The following KCNH7 variants were observed in gnomAD, a reference collection of about 807,000 sequenced individuals.
KCNH7 encodes the protein voltage-gated inwardly rectifying potassium channel KCNH7.
KCNH7 carries 49 observed loss-of-function variants against 120.8 expected under a neutral mutation model. That is an observed-to-expected ratio of 0.41 (90% CI 0.32 to 0.51). The LOEUF is 0.51. Ranked by LOEUF, KCNH7 falls within the 20% of genes least tolerant of loss-of-function variation. The probability of loss-of-function intolerance (pLI) is 0.38; values close to 1 mark genes in which losing one functional copy is unlikely to be tolerated. For missense variants in KCNH7, 1,097 were observed against 1,446.6 expected (o/e 0.76, Z 3.92); for synonymous variants, 547 against 516.1 (o/e 1.06, Z -0.81).
In KCNH7 at chr2:162,572,032, C is replaced by T. The variant is rs1693497756; in HGVS notation, c.308-34952G>A. On this transcript the variant is annotated intron_variant, in intron 2 of 15. Coordinates refer to ENST00000332142, the MANE Select transcript of KCNH7 (RefSeq NM_033272.4). ...CACCAAAAGCAATGGCAACAAAAGA[C>T]AAAATTGACAAATGGGATCTAATTA... 2.0e-5 allele frequency among the ~76,000 whole-genome samples: 3 copies of T among 151,622 alleles called. No individual in the cohort carries two copies. In the South Asian group the frequency reaches 6.2e-4, roughly 32 times the overall value.
intron 13 of KCNH7, among the ~76,000 whole-genome samples, chr2:162,381,624 T>A (rs961952359): frequency 6.6e-5 from 10 of 152,074 alleles, no homozygotes; most frequent in Admixed American, 4.6e-4. Flanking sequence ...GGATCAGAGT[T>A]CCTTCTTCTG....
intron 6 of KCNH7, among the ~76,000 whole-genome samples, chr2:162,493,456 C>A (rs1690393899): frequency 6.6e-6 from 1 of 152,146 alleles, no homozygotes; most frequent in Non-Finnish European, 1.5e-5. Flanking sequence ...CAAATGTCTT[C>A]AAAATGTAAA....
At chr2:162,792,715 T>C (rs1683996367) in intron 2 of KCNH7, among the ~76,000 whole-genome samples, 1 of 151,190 alleles carries the variant, frequency 6.6e-6, no homozygotes, top group African/African-American at 2.4e-5. Flanking sequence ...CTTATTTTTT[T>C]TTTTTTCAAA....
At chr2:162,556,024 C>T (rs372581677) in intron 2 of KCNH7, among the ~76,000 whole-genome samples, 1 of 151,912 alleles carries the variant, frequency 6.6e-6, no homozygotes, top group East Asian at 1.9e-4. Context: ...AAACTAATGA[C>T]ACATATTTCT....
chr2:162,477,562 G>A (rs1438279250), intron 6 of KCNH7, among the ~76,000 whole-genome samples: 1 of 152,152 alleles, frequency 6.6e-6, no homozygotes, highest in Non-Finnish European at 1.5e-5. Context: ...AAAAAAAGCA[G>A]GTTGTCATTT....
At chr2:162,403,798 T>A (rs929203672) in intron 9 of KCNH7, among the ~76,000 whole-genome samples, 2 of 151,988 alleles carry the variant, frequency 1.3e-5, no homozygotes, top group Non-Finnish European at 1.5e-5. Context: ...ATTAGTTCTA[T>A]AGTTTTAATG....
intron 2 of KCNH7, among the ~76,000 whole-genome samples, chr2:162,783,415 A>G (rs939713033): frequency 1.3e-5 from 2 of 152,214 alleles, no homozygotes; most frequent in African/African-American, 4.8e-5. Flanking sequence ...AAATATTGGC[A>G]AGCCTGGAAA....
intron 2 of KCNH7, among the ~76,000 whole-genome samples, chr2:162,701,134 AT>A (rs1188686634): frequency 1.3e-5 from 2 of 152,164 alleles, no homozygotes; most frequent in Admixed American, 6.6e-5. Context: ...GTCAAATATA[AT>A]GATTCCAAAG....
intron 2 of KCNH7, among the ~76,000 whole-genome samples, chr2:162,631,994 A>G (rs928351682): frequency 6.6e-6 from 1 of 152,064 alleles, no homozygotes; most frequent in Admixed American, 6.6e-5. Context: ...GGAAAAAACT[A>G]CTAGAGAACA....
At chr2:162,604,238 G>GA (rs1378160956) in intron 2 of KCNH7, among the ~76,000 whole-genome samples, 1 of 152,008 alleles carries the variant, frequency 6.6e-6, no homozygotes, top group African/African-American at 2.4e-5. Flanking sequence ...CTTTGGTGAT[G>GA]AAAAAGAAGG....
At chr2:162,526,820 G>A (rs1691722477) in intron 3 of KCNH7, among the ~76,000 whole-genome samples, 1 of 151,982 alleles carries the variant, frequency 6.6e-6, no homozygotes, top group South Asian at 2.1e-4. Flanking sequence ...AAGATGATGG[G>A]ATTAAGAGAT....
intron 2 of KCNH7, among the ~76,000 whole-genome samples, chr2:162,543,628 A>G (rs1054218019): frequency 5.1e-4 from 78 of 152,222 alleles, no homozygotes; most frequent in African/African-American, 1.8e-3. Context: ...TGAGTAGTAA[A>G]TTTCTTGGAT....
intron 2 of KCNH7, among the ~76,000 whole-genome samples, chr2:162,575,234 G>GT (rs908459941): frequency 6.6e-6 from 1 of 152,028 alleles, no homozygotes; most frequent in Non-Finnish European, 1.5e-5. Context: ...TCTGCTGCTA[G>GT]TTTGACCCTG....
intron 2 of KCNH7, chr2:162,784,472 C>T (rs529407224): frequency 7.2e-5 from 11 of 152,150 alleles, no homozygotes; most frequent in African/African-American, 2.4e-4. Flanking sequence ...TTATTTAATC[C>T]TTACCAGAGA....
chr2:162,496,118 CT>C (rs1168191834), intron 6 of KCNH7, among the ~76,000 whole-genome samples: 8 of 152,096 alleles, frequency 5.3e-5, no homozygotes, highest in African/African-American at 1.9e-4. Context: ...TTAAACAGAC[CT>C]CAGGAGGAGC....
At chr2:162,808,723 C>A (rs1372808733) in intron 2 of KCNH7, among the ~76,000 whole-genome samples, 1 of 151,274 alleles carries the variant, frequency 6.6e-6, no homozygotes, top group South Asian at 2.1e-4. Flanking sequence ...CCTGTGTGTG[C>A]ATATATATAT....
intron 2 of KCNH7, among the ~76,000 whole-genome samples, chr2:162,591,490 A>G (rs990095645): frequency 2.6e-5 from 4 of 152,090 alleles, no homozygotes; most frequent in African/African-American, 9.7e-5. Flanking sequence ...TGTGGAGGAC[A>G]CAAACACACA....
intron 2 of KCNH7, among the ~76,000 whole-genome samples, chr2:162,675,893 T>C (rs1324085725): frequency 1.3e-5 from 2 of 151,446 alleles, no homozygotes; most frequent in Non-Finnish European, 3.0e-5. Context: ...GAAGGTGGCA[T>C]GCAAAATATT....
chr2:162,518,092 T>G lies in KCNH7; in HGVS notation c.530A>C (p.Gln177Pro). ...GATGACCACCACATCGGGGTCTTCT[T>G]GTGGTAAGGACTGCTTTCTGTAAGT... ...VLTYRKQSLP[Q>P]EDPDVVVIDS... Residue 177 changes from glutamine (Q) to proline (P), a missense_variant, in exon 4 of 16, where the codon CAA (glutamine) becomes CCA (proline). Physicochemically the swap from Gln to Pro is moderately conservative, Grantham distance 76 (BLOSUM62 -1). Transcript: ENST00000332142. 6.2e-7 allele frequency: 1 copy of G among 1,612,300 alleles called. No homozygotes were observed. Among genetic ancestry groups the G allele is most frequent in the Non-Finnish European group, 8.5e-7 (1 of 1,178,798 alleles).
Sources: gnomAD v4.1 joint callset for allele counts (sites outside exome capture counted in the v4.1 genomes callset) on GRCh38, gnomAD v4.1.1 for gene constraint, MANE v1.5 for transcripts, NCBI Gene and HGNC (gene_info 2026-07-23, HGNC 2026-07-21) for gene names.